The following STXBP5L variants were observed in gnomAD, a reference collection of about 807,000 sequenced individuals.
The protein encoded by STXBP5L is syntaxin binding protein 5L.
Under a neutral mutation model 144.5 loss-of-function variants are expected in STXBP5L, and 65 were observed. That is an observed-to-expected ratio of 0.45 (90% CI 0.37 to 0.55). STXBP5L has a LOEUF of 0.55. Ranked by LOEUF, STXBP5L falls within the 20% of genes least tolerant of loss-of-function variation. STXBP5L has a pLI of 0.00. For missense variants in STXBP5L, 1,298 were observed against 1,405.5 expected (o/e 0.92, Z 1.22); for synonymous variants, 505 against 469.6 (o/e 1.08, Z -0.97).
intron 7 of STXBP5L, among the ~76,000 whole-genome samples, chr3:121,146,161 C>T (rs2045704619): frequency 6.6e-6 from 1 of 151,966 alleles, no homozygotes; most frequent in South Asian, 2.1e-4. Flanking sequence ...ACTTCTAATC[C>T]TGCATAATTA....
At chr3:121,348,498 T>C (rs1330239029) in intron 20 of STXBP5L, among the ~76,000 whole-genome samples, 1 of 152,140 alleles carries the variant, frequency 6.6e-6, no homozygotes. Flanking sequence ...GATCCCCTCT[T>C]TTTCTATTTA....
At position 121,095,146 on chromosome 3, in the gene STXBP5L, C is replaced by T. The variant is rs111913716; in HGVS notation, c.471-19779C>T. Among the ~76,000 whole-genome samples, 567 of 152,208 alleles carry T rather than the reference C, an allele frequency of 3.7e-3. 3 individuals carry two copies. The highest frequency in any genetic ancestry group is 5.7e-3 in the Non-Finnish European group (386 of 68,008). ...GTCTTCTGGCTTGTAGAGTTTCTGC[C>T]GAGAGATCCGCTGTTAGTCTGACGA... On this transcript the variant is annotated intron_variant, in intron 5 of 26. Coordinates refer to ENST00000471454, the MANE Select transcript of STXBP5L (RefSeq NM_001308330.2).
At chr3:121,367,955 T>G (rs751978766) in intron 20 of STXBP5L, among the ~76,000 whole-genome samples, 1 of 151,908 alleles carries the variant, frequency 6.6e-6, no homozygotes, top group East Asian at 1.9e-4. Context: ...TCAATGTGAG[T>G]CTTTTTGAGT....
At chr3:121,218,259 A>G (rs892667175) in intron 10 of STXBP5L, among the ~76,000 whole-genome samples, 1 of 143,466 alleles carries the variant, frequency 7.0e-6, no homozygotes, top group African/African-American at 2.5e-5. Flanking sequence ...TATACATAGT[A>G]TAATATAGTA....
At chr3:121,305,556 TAC>T (rs562137959) in intron 19 of STXBP5L, among the ~76,000 whole-genome samples, 25 of 152,180 alleles carry the variant, frequency 1.6e-4, no homozygotes, top group Non-Finnish European at 3.7e-4. Context: ...GAGAAAATAA[TAC>T]AGTCATATCA....
intron 5 of STXBP5L, among the ~76,000 whole-genome samples, chr3:121,066,076 G>A (rs1019042086): frequency 2.0e-5 from 3 of 152,110 alleles, no homozygotes; most frequent in East Asian, 3.9e-4. Flanking sequence ...CATGACCTTT[G>A]TCATATTCTA....
chr3:121,348,905 C>A (rs2045135394), intron 20 of STXBP5L, among the ~76,000 whole-genome samples: 1 of 152,008 alleles, frequency 6.6e-6, no homozygotes, highest in African/African-American at 2.4e-5. Flanking sequence ...TTTCAAAAAA[C>A]CAACTCCTGG....
At chr3:121,086,411 T>G (rs561138995) in intron 5 of STXBP5L, among the ~76,000 whole-genome samples, 14 of 152,268 alleles carry the variant, frequency 9.2e-5, no homozygotes, top group African/African-American at 2.6e-4. Flanking sequence ...TATTGCCTCA[T>G]GCGTTCATAG....
intron 3 of STXBP5L, among the ~76,000 whole-genome samples, chr3:121,013,927 T>C (rs1312431190): frequency 2.0e-5 from 3 of 152,096 alleles, no homozygotes; most frequent in Admixed American, 6.6e-5. Context: ...TTGTCAACTT[T>C]GTCAAAGATC....
At chr3:121,408,862 A>T (rs954072784) in intron 23 of STXBP5L, among the ~76,000 whole-genome samples, 1 of 151,940 alleles carries the variant, frequency 6.6e-6, no homozygotes, top group East Asian at 1.9e-4. Flanking sequence ...CAGTAATGGA[A>T]GTTGTTAAAT....
intron 22 of STXBP5L, among the ~76,000 whole-genome samples, chr3:121,390,895 G>A (rs544194706): frequency 4.6e-5 from 7 of 151,928 alleles, no homozygotes; most frequent in Admixed American, 2.0e-4. Flanking sequence ...TATCTTTTTG[G>A]TCTTCTCGTA....
chr3:121,302,759 T>C (rs1040818184), intron 19 of STXBP5L, among the ~76,000 whole-genome samples: 1 of 152,136 alleles, frequency 6.6e-6, no homozygotes, highest in African/African-American at 2.4e-5. Context: ...TTGACAAACC[T>C]GACAAAAATA....
At chr3:121,105,353 G>T (rs961975269) in intron 5 of STXBP5L, among the ~76,000 whole-genome samples, 6 of 149,540 alleles carry the variant, frequency 4.0e-5, no homozygotes, top group African/African-American at 1.3e-4. Context: ...CCGAGATCAC[G>T]CCGCTGCACT....
intron 2 of STXBP5L, among the ~76,000 whole-genome samples, chr3:120,944,602 T>C (rs1710747686): frequency 1.3e-5 from 2 of 151,794 alleles, no homozygotes; most frequent in South Asian, 2.1e-4. Context: ...TTTCAAGAGA[T>C]TTGTAAGTCT....
At chr3:120,932,704 C>T (rs1030896604) in intron 2 of STXBP5L, among the ~76,000 whole-genome samples, 15 of 152,064 alleles carry the variant, frequency 9.9e-5, no homozygotes, top group African/African-American at 3.6e-4. Flanking sequence ...TGGGTATATG[C>T]CCAAAGGATT....
chr3:121,413,189 AATT>A lies in STXBP5L; in HGVS notation c.2984_2986del (p.Tyr995del). The stretch of plus-strand genomic sequence containing the variant: ...TAGTCTTCGCCCAATGTTGGATGTT[AATT>A]ATTTGCCACTGACAGACATGAGGAT... On this transcript the variant is annotated inframe_deletion, in exon 24 of 27. Transcript: ENST00000471454. The A allele has an allele frequency of 6.2e-7, 1 of 1,604,674 alleles. No individual in the cohort carries two copies. Among genetic ancestry groups the A allele is most frequent in the Non-Finnish European group, 8.5e-7 (1 of 1,176,940 alleles).
chr3:121,158,505 C>G (rs1475107928), intron 9 of STXBP5L: 1 of 152,120 alleles, frequency 6.6e-6, no homozygotes, highest in East Asian at 1.9e-4. Context: ...GTTACATGCT[C>G]CATCAGTAAA....
chr3:121,078,280 C>T (rs1327338232), intron 5 of STXBP5L, among the ~76,000 whole-genome samples: 1 of 151,622 alleles, frequency 6.6e-6, no homozygotes, highest in Non-Finnish European at 1.5e-5. Context: ...TCCAAGTCCA[C>T]ACCAGAGTAG....
intron 20 of STXBP5L, among the ~76,000 whole-genome samples, chr3:121,332,088 TA>T (rs1315900929): frequency 2.0e-5 from 3 of 151,826 alleles, no homozygotes; most frequent in Non-Finnish European, 2.9e-5. Context: ...AAGAAATTTT[TA>T]AAAATCACAG....
Sources: allele counts gnomAD v4.1 joint callset (sites outside exome capture counted in the v4.1 genomes callset), GRCh38; gene constraint gnomAD v4.1.1; transcripts MANE v1.5; gene names NCBI Gene and HGNC (gene_info 2026-07-23, HGNC 2026-07-21).